DLGAP1: variants seen among roughly 807,000 people sequenced by gnomAD.
DLGAP1 encodes the protein DLG associated protein 1.
DLGAP1 carries 11 observed loss-of-function variants against 90.8 expected under a neutral mutation model. That is an observed-to-expected ratio of 0.12 (90% CI 0.08 to 0.20). The LOEUF (loss-of-function observed/expected upper bound fraction) is 0.20, where lower values mean the gene tolerates loss of function less well. DLGAP1 is among the 10% of genes least tolerant of loss of function. DLGAP1 has a pLI of 1.00. For synonymous variants in DLGAP1, 558 were observed against 540.7 expected (o/e 1.03, Z -0.44); for missense variants, 1,050 against 1,333.8 (o/e 0.79, Z 3.31).
chr18:3,791,090 C>T (rs1168828673), intron 5 of DLGAP1, among the ~76,000 whole-genome samples: 1 of 152,154 alleles, frequency 6.6e-6, no homozygotes, highest in African/African-American at 2.4e-5. Context: ...GGCTTTTGGG[C>T]TGCGGCAATA....
intron 1 of DLGAP1, among the ~76,000 whole-genome samples, chr18:4,387,855 C>G (rs1676472): frequency 0.93 from 141,248 of 151,552 alleles, 66,662 homozygotes; most frequent in East Asian, 1. Context: ...CACTTGAACC[C>G]GGGAGGTGGA....
intron 7 of DLGAP1, among the ~76,000 whole-genome samples, chr18:3,681,125 C>G (rs555811834): frequency 6.6e-6 from 1 of 152,320 alleles, no homozygotes; most frequent in African/African-American, 2.4e-5. Context: ...AGTTCAATGA[C>G]TGTTTCCAAC....
Position 3,758,028 on chromosome 18 carries a change from T to C in DLGAP1, c.1173-15516A>G, listed in dbSNP as rs892916879. Among the ~76,000 whole-genome samples, 9 of 151,384 alleles carry C rather than the reference T, an allele frequency of 5.9e-5. No homozygotes were observed. The South Asian group carries it at 1.0e-3, about 18-fold the overall frequency. On this transcript the variant is annotated intron_variant, in intron 5 of 12. Transcript: ENST00000315677. ...CTACTCGGGAGGCTGAGGCAGAGAA[T>C]TGCTTGAACTGGGGAGGCGGAGGTT...
intron 2 of DLGAP1, among the ~76,000 whole-genome samples, chr18:4,057,071 GTAGT>G (rs1437883315): frequency 7.4e-6 from 1 of 134,434 alleles, no homozygotes; most frequent in Non-Finnish European, 1.6e-5. Flanking sequence ...ATTACAGCAG[GTAGT>G]TAGACAGACA....
At chr18:4,344,662 A>C (rs2081269703) in intron 1 of DLGAP1, among the ~76,000 whole-genome samples, 4 of 152,200 alleles carry the variant, frequency 2.6e-5, no homozygotes, top group Admixed American at 2.6e-4. Flanking sequence ...CAGGTCTGGA[A>C]TTAAGCACTC....
At chr18:3,966,999 A>G (rs1268727321) in intron 3 of DLGAP1, among the ~76,000 whole-genome samples, 2 of 152,190 alleles carry the variant, frequency 1.3e-5, no homozygotes, top group Non-Finnish European at 2.9e-5. Context: ...GTTTTCTAAG[A>G]GAAGTGGCCA....
At chr18:4,323,564 T>C (rs982911394) in intron 1 of DLGAP1, among the ~76,000 whole-genome samples, 4 of 152,018 alleles carry the variant, frequency 2.6e-5, no homozygotes, top group Admixed American at 6.6e-5. Flanking sequence ...AATAAACTAA[T>C]AGAGAAAATG....
intron 3 of DLGAP1, among the ~76,000 whole-genome samples, chr18:3,990,543 T>G (rs1318867030): frequency 1.3e-5 from 2 of 149,016 alleles, no homozygotes; most frequent in East Asian, 3.9e-4. Flanking sequence ...AAATGACGAG[T>G]TAATGGGTGC....
chr18:3,868,889 G>A (rs149341548), intron 4 of DLGAP1, among the ~76,000 whole-genome samples: 17 of 152,216 alleles, frequency 1.1e-4, no homozygotes, highest in East Asian at 3.9e-4. Context: ...CTTTGGGCAC[G>A]AGCAAAGAAG....
intron 1 of DLGAP1, among the ~76,000 whole-genome samples, chr18:4,196,357 G>C (rs1568445320): frequency 6.6e-6 from 1 of 152,350 alleles, no homozygotes; most frequent in Middle Eastern, 3.4e-3. Context: ...TGAAATGAAA[G>C]TTCTCTGCTT....
chr18:3,868,337 C>A (rs1171979231), intron 4 of DLGAP1, among the ~76,000 whole-genome samples: 1 of 152,052 alleles, frequency 6.6e-6, no homozygotes, highest in Admixed American at 6.5e-5. Flanking sequence ...GGAGAGAAGA[C>A]AAAGACATAA....
At chr18:3,966,190 C>T (rs1206387587) in intron 3 of DLGAP1, among the ~76,000 whole-genome samples, 1 of 151,954 alleles carries the variant, frequency 6.6e-6, no homozygotes, top group Non-Finnish European at 1.5e-5. Flanking sequence ...AGGGTGAAAG[C>T]TCAGAGGCTG....
At chr18:3,506,552 C>CA (rs60692504) in intron 11 of DLGAP1, among the ~76,000 whole-genome samples, 1,261 of 101,248 alleles carry the variant, frequency 0.012, 10 homozygotes, top group African/African-American at 0.038. Context: ...AACTCCATGT[C>CA]AAAAAAAAAA....
At chr18:4,317,959 G>C (rs139269644) in intron 1 of DLGAP1, among the ~76,000 whole-genome samples, 1 of 151,986 alleles carries the variant, frequency 6.6e-6, no homozygotes, top group African/African-American at 2.4e-5. Context: ...ACGATTCTCC[G>C]GCCTCAGCCT....
At position 4,145,141 on chromosome 18, in the gene DLGAP1, T is replaced by C. The variant is rs1396291313; in HGVS notation, c.-159+6039A>G. On this transcript the variant is annotated intron_variant, in intron 2 of 12. Coordinates refer to ENST00000315677, the MANE Select transcript of DLGAP1 (RefSeq NM_004746.4). ...TCACCACCCCCACAATATGTCTATA[T>C]ATTTAAATATCTATACCTATATCTC... Among the ~76,000 whole-genome samples the C allele has an allele frequency of 2.6e-5, 4 of 152,210 alleles. No individual in the cohort carries two copies. In the South Asian group the frequency reaches 6.2e-4, roughly 24 times the overall value.
chr18:3,592,571 G>T (rs1182996603), intron 7 of DLGAP1, among the ~76,000 whole-genome samples: 1 of 152,108 alleles, frequency 6.6e-6, no homozygotes, highest in Non-Finnish European at 1.5e-5. Context: ...GGGTGTGGTG[G>T]CTCACACCTG....
chr18:3,809,505 A>AG, intron 5 of DLGAP1, among the ~76,000 whole-genome samples: 1 of 152,216 alleles, frequency 6.6e-6, no homozygotes, highest in Non-Finnish European at 1.5e-5. Flanking sequence ...AACTGAAAAT[A>AG]AATCTTCCTG....
chr18:3,872,225 C>CAAAA (rs5822772), intron 4 of DLGAP1, among the ~76,000 whole-genome samples: 32 of 87,096 alleles, frequency 3.7e-4, no homozygotes, highest in Non-Finnish European at 4.2e-4. Flanking sequence ...CTCTCCAAGA[C>CAAAA]AAAAAAAAAA....
intron 2 of DLGAP1, among the ~76,000 whole-genome samples, chr18:4,036,991 T>C (rs188428776): frequency 4.3e-4 from 66 of 152,324 alleles, no homozygotes; most frequent in Non-Finnish European, 6.2e-4. Context: ...AGTGTGCAAA[T>C]TGTAAAGCCT....
Sources: gnomAD v4.1 joint callset for allele counts (sites outside exome capture counted in the v4.1 genomes callset) on GRCh38, gnomAD v4.1.1 for gene constraint, MANE v1.5 for transcripts, NCBI Gene and HGNC (gene_info 2026-07-23, HGNC 2026-07-21) for gene names.